The following CHD6 variants were observed in gnomAD, a reference collection of about 807,000 sequenced individuals.
CHD6 encodes the protein chromodomain helicase DNA binding protein 6.
A neutral mutation model predicts 276.9 loss-of-function variants in CHD6; 50 were observed. That is an observed-to-expected ratio of 0.18 (90% confidence interval 0.14 to 0.23). The LOEUF (loss-of-function observed/expected upper bound fraction) is 0.23, where lower values mean the gene tolerates loss of function less well. Among genes scored for constraint, CHD6 ranks in the 10% least tolerant of loss-of-function variants. CHD6 has a pLI of 1.00. For missense variants in CHD6, 2,564 were observed against 3,365.8 expected, an observed-to-expected ratio of 0.76 and a Z score of 5.89; for synonymous variants, 1,173 against 1,229.3, an observed-to-expected ratio of 0.95 and a Z score of 0.96.
chr20:41,506,490 T>C (rs2145932885), intron 5 of CHD6, among the ~76,000 whole-genome samples: 1 of 152,258 alleles, frequency 6.6e-6, no homozygotes, highest in African/African-American at 2.4e-5. Context: ...CCTTCAATTA[T>C]TTGCTCAAAT....
Position 41,422,015 on chromosome 20 carries a change from G to A in CHD6, c.4620C>T (p.Tyr1540=). 2 of 1,614,144 alleles carry A rather than the reference G, an allele frequency of 1.2e-6. No homozygotes were observed. The highest frequency in any genetic ancestry group is 3.3e-5 in the Admixed American group (2 of 60,026). ...GGACTTTCCGTAACAGTTCAATGCG[G>A]TACAGAGTTCTTGCAGCACGTTCCT... The part of the protein sequence containing the change: ...ITEERAARTL[Y]RIELLRKVRE... The change falls in exon 31 of 37, where the codon TAC becomes TAT. Residue 1540 remains tyrosine, a synonymous_variant. Transcript: ENST00000373233.
chr20:41,576,578 G>A (rs985544635), intron 1 of CHD6, among the ~76,000 whole-genome samples: 1 of 152,158 alleles, frequency 6.6e-6, no homozygotes, highest in Non-Finnish European at 1.5e-5. Flanking sequence ...CCAGGCTGAG[G>A]CACAAGAATC....
chr20:41,467,786 C>A (rs571673897), intron 17 of CHD6, among the ~76,000 whole-genome samples: 2 of 146,670 alleles, frequency 1.4e-5, no homozygotes, highest in Admixed American at 1.4e-4. Flanking sequence ...GAAAGGGGTG[C>A]TTTTGGGCAA....
intron 1 of CHD6, among the ~76,000 whole-genome samples, chr20:41,575,060 T>C (rs999075878): frequency 5.3e-5 from 8 of 152,210 alleles, no homozygotes; most frequent in African/African-American, 1.7e-4. Flanking sequence ...AATGTGACCT[T>C]TGTAACTTCA....
At chr20:41,557,254 C>T (rs1447809991) in intron 1 of CHD6, among the ~76,000 whole-genome samples, 2 of 152,132 alleles carry the variant, frequency 1.3e-5, no homozygotes, top group Non-Finnish European at 1.5e-5. Context: ...CGTAGGAGCA[C>T]GGCATTTAAT....
intron 17 of CHD6, among the ~76,000 whole-genome samples, chr20:41,460,292 C>A (rs2048503532): frequency 6.6e-6 from 1 of 152,186 alleles, no homozygotes; most frequent in Non-Finnish European, 1.5e-5. Flanking sequence ...AAAGAAAAAT[C>A]AATTTTCTGG....
chr20:41,558,567 A>G (rs140422732), intron 1 of CHD6, among the ~76,000 whole-genome samples: 1 of 152,342 alleles, frequency 6.6e-6, no homozygotes, highest in Non-Finnish European at 1.5e-5. Flanking sequence ...CCTATTAAGA[A>G]AAAGGGTGCC....
chr20:41,452,957 G>C lies in CHD6; in HGVS notation c.3121-15C>G. The C allele has an allele frequency of 6.2e-7, 1 of 1,605,552 alleles. No individual in the cohort carries two copies. The highest frequency in any genetic ancestry group is 1.1e-5 in the South Asian group (1 of 90,852). On this transcript the variant is annotated splice_polypyrimidine_tract_variant and intron_variant, in intron 20 of 36. Transcript: ENST00000373233. This position sits in a 1 kb window ranked among gnomAD's most constrained non-coding sequence, Gnocchi z 4.2. ...ACTAAGCTTTCCTAGAAATGGAGAG[G>C]ACTACTGGGAAGAAAGTCCTCTTTT...
chr20:41,617,849 G>T (rs1402477174), intron 1 of CHD6, among the ~76,000 whole-genome samples: 1 of 151,234 alleles, frequency 6.6e-6, no homozygotes, highest in Non-Finnish European at 1.5e-5. Flanking sequence ...CGCAGGACGC[G>T]AATAGAGCAA....
chr20:41,405,616 G>A (rs1325425909), intron 36 of CHD6, 127 bp from the exon 37 acceptor site: 1 of 672,072 alleles, frequency 1.5e-6, no homozygotes, highest in Non-Finnish European at 2.5e-6. Flanking sequence ...CCAGTACAAG[G>A]AGCACCTCCC....
At position 41,488,381 on chromosome 20, in the gene CHD6, C is replaced by T. The variant is rs764339109; in HGVS notation, c.1857+47G>A. The T allele has an allele frequency of 2.6e-6, 4 of 1,513,310 alleles. No homozygotes were observed. The Admixed American group carries it at 6.3e-5, about 24-fold the overall frequency. 93.7% of individuals were successfully genotyped at this position (1,513,310 alleles called of 1,614,324 possible). ...ATGGCTAAAGAGTGTTTCCTCCAAG[C>T]TGAACAAAAGGAACCTGTGTTTATG... On this transcript the variant is annotated intron_variant, in intron 13 of 36. Transcript: ENST00000373233.
chr20:41,560,352 C>T (rs1316436449), intron 1 of CHD6, among the ~76,000 whole-genome samples: 3 of 152,152 alleles, frequency 2.0e-5, no homozygotes, highest in South Asian at 4.1e-4. Flanking sequence ...CTGTGGGTTC[C>T]GACTCCTGCC....
intron 5 of CHD6, among the ~76,000 whole-genome samples, chr20:41,503,082 T>C (rs1398699994): frequency 6.6e-6 from 1 of 152,228 alleles, no homozygotes; most frequent in Non-Finnish European, 1.5e-5. Flanking sequence ...GGTCTTCTTT[T>C]TCATAGCTAT....
chr20:41,565,418 T>C (rs1236721734), intron 1 of CHD6, among the ~76,000 whole-genome samples: 1 of 152,134 alleles, frequency 6.6e-6, no homozygotes, highest in Non-Finnish European at 1.5e-5. Flanking sequence ...TGGCCTAAGA[T>C]GCTAGAATGC....
At chr20:41,414,860 G>A (rs987749567) in intron 34 of CHD6, 27 of 1,196,280 alleles carry the variant, frequency 2.3e-5, no homozygotes, top group Admixed American at 8.5e-5. Flanking sequence ...GAGAAAAGCC[G>A]CTGCACACTC....
intron 1 of CHD6, among the ~76,000 whole-genome samples, chr20:41,579,117 G>A (rs1463406884): frequency 3.8e-4 from 44 of 115,784 alleles, no homozygotes; most frequent in Admixed American, 3.5e-3. Context: ...GCAACAGAAC[G>A]AGACTCCATC....
intron 1 of CHD6, among the ~76,000 whole-genome samples, chr20:41,603,795 G>T (rs1435267191): frequency 6.6e-6 from 1 of 151,996 alleles, no homozygotes; most frequent in Non-Finnish European, 1.5e-5. Context: ...TGAACCCAGG[G>T]GAAGCAGAGG....
At chr20:41,586,218 G>A (rs764077766) in intron 1 of CHD6, among the ~76,000 whole-genome samples, 7 of 152,230 alleles carry the variant, frequency 4.6e-5, no homozygotes, top group South Asian at 2.1e-4. Flanking sequence ...TGTTTGTTCC[G>A]GCTCAAGCTG....
chr20:41,440,395 C>T (rs2047863992), intron 25 of CHD6, among the ~76,000 whole-genome samples: 1 of 152,190 alleles, frequency 6.6e-6, no homozygotes. Flanking sequence ...ATACACAATT[C>T]TGTTTGCTGC....
Sources: gnomAD v4.1 joint callset for allele counts (sites outside exome capture counted in the v4.1 genomes callset) on GRCh38, gnomAD v4.1.1 for gene constraint, Gnocchi (gnomAD v3.1) non-coding constraint, MANE v1.5 for transcripts, NCBI Gene and HGNC (gene_info 2026-07-23, HGNC 2026-07-21) for gene names.